Variants in GRXCR1 observed in about 807,000 individuals in gnomAD.
GRXCR1 encodes the protein glutaredoxin and cysteine rich domain containing 1.
In GRXCR1, 27 loss-of-function variants were observed where a neutral mutation model predicts 27.3. The observed-to-expected ratio is 0.99, with a 90% confidence interval of 0.73 to 1.37. The LOEUF (loss-of-function observed/expected upper bound fraction) is 1.37. GRXCR1 is among the 40% of genes most tolerant of loss of function. The probability of loss-of-function intolerance (pLI) is 0.00; values close to 1 mark genes in which losing one functional copy is unlikely to be tolerated. For synonymous variants in GRXCR1, 122 were observed against 131.1 expected (o/e 0.93, Z 0.47); for missense variants, 379 against 354.4 (o/e 1.07, Z -0.56).
chr4:43,024,420 G>A (rs979376607), intron 3 of GRXCR1, among the ~76,000 whole-genome samples: 10 of 152,034 alleles, frequency 6.6e-5, no homozygotes, highest in Non-Finnish European at 4.4e-5. Context: ...GTCCTTCCTA[G>A]GGGAAAGGGG....
intron 2 of GRXCR1, among the ~76,000 whole-genome samples, chr4:43,000,248 G>C (rs1207829442): frequency 1.3e-5 from 2 of 152,084 alleles, no homozygotes; most frequent in Admixed American, 1.3e-4. Context: ...GGGAGGCCGA[G>C]GCAGGTGGAT....
intron 1 of GRXCR1, among the ~76,000 whole-genome samples, chr4:42,927,860 T>C (rs370440649): frequency 8.6e-5 from 13 of 151,846 alleles, no homozygotes; most frequent in African/African-American, 3.1e-4. Flanking sequence ...TGTGTGCAGG[T>C]AATTTATTTG....
chr4:42,915,371 A>G (rs547841782), intron 1 of GRXCR1, among the ~76,000 whole-genome samples: 3 of 152,106 alleles, frequency 2.0e-5, no homozygotes, highest in South Asian at 2.1e-4. Flanking sequence ...TGCACTGACT[A>G]TTTTTCCTAG....
intron 2 of GRXCR1, among the ~76,000 whole-genome samples, chr4:42,979,065 T>C (rs1748590325): frequency 6.6e-6 from 1 of 150,918 alleles, no homozygotes; most frequent in Non-Finnish European, 1.5e-5. Context: ...GAACTGTGAG[T>C]CAATCAAACC....
At chr4:42,938,783 C>G (rs1747522700) in intron 1 of GRXCR1, among the ~76,000 whole-genome samples, 1 of 151,794 alleles carries the variant, frequency 6.6e-6, no homozygotes, top group African/African-American at 2.4e-5. Context: ...TGTATGTTTT[C>G]CACACATTTG....
chr4:43,000,155 A>G (rs1352826785), intron 2 of GRXCR1, among the ~76,000 whole-genome samples: 2 of 152,178 alleles, frequency 1.3e-5, no homozygotes, highest in Non-Finnish European at 2.9e-5. Flanking sequence ...TCTCCACACT[A>G]TACATGCTTT....
intron 1 of GRXCR1, among the ~76,000 whole-genome samples, chr4:42,913,407 G>A (rs888312534): frequency 1.3e-5 from 2 of 152,292 alleles, no homozygotes; most frequent in African/African-American, 4.8e-5. Flanking sequence ...GGGAACTGGA[G>A]CAAAGGTGAC....
chr4:42,920,831 A>G (rs1023997785), intron 1 of GRXCR1, among the ~76,000 whole-genome samples: 3 of 152,222 alleles, frequency 2.0e-5, no homozygotes, highest in African/African-American at 7.2e-5. Context: ...AGTGCCCTTA[A>G]TAGTTCTTCC....
At chr4:42,899,246 A>G (rs144854051) in intron 1 of GRXCR1, among the ~76,000 whole-genome samples, 5 of 152,144 alleles carry the variant, frequency 3.3e-5, no homozygotes, top group Admixed American at 2.6e-4. Flanking sequence ...GGCTTGCTTC[A>G]TTCCATTCTT....
chr4:42,923,776 A>G (rs894174551), intron 1 of GRXCR1, among the ~76,000 whole-genome samples: 2 of 152,182 alleles, frequency 1.3e-5, no homozygotes, highest in East Asian at 3.9e-4. Flanking sequence ...AGAGACACAC[A>G]TGATAGATAC....
At chr4:43,019,547 A>G (rs1713035272) in intron 2 of GRXCR1, among the ~76,000 whole-genome samples, 1 of 151,968 alleles carries the variant, frequency 6.6e-6, no homozygotes, top group Non-Finnish European at 1.5e-5. Flanking sequence ...AAAAATAATT[A>G]CTCCAGTTTT....
In GRXCR1 at chr4:43,028,584, A is replaced by C. The variant is rs1713328794; in HGVS notation, c.694-1777A>C. Among the ~76,000 whole-genome samples, 3 of 152,354 alleles carry C rather than the reference A, an allele frequency of 2.0e-5. No individual in the cohort carries two copies. In the South Asian group the frequency reaches 6.2e-4, roughly 32 times the overall value. On this transcript the variant is annotated intron_variant, in intron 3 of 3. Transcript: ENST00000399770. ...ATATTTAATGTCATAGCAATAGTGAATGACAAGGATCTATCTACATTATAT... is the reference window on the plus strand; with the variant it reads ...ATATTTAATGTCATAGCAATAGTGACTGACAAGGATCTATCTACATTATAT...
chr4:43,010,010 G>T (rs1168846189), intron 2 of GRXCR1, among the ~76,000 whole-genome samples: 2 of 152,116 alleles, frequency 1.3e-5, no homozygotes, highest in Admixed American at 6.5e-5. Context: ...CTTCAGGAGT[G>T]ACTCTTCTAT....
At chr4:42,967,682 C>A (rs1212943824) in intron 2 of GRXCR1, among the ~76,000 whole-genome samples, 1 of 151,886 alleles carries the variant, frequency 6.6e-6, no homozygotes, top group Non-Finnish European at 1.5e-5. Context: ...TGAATTTTAC[C>A]TTGTTAGGTA....
At chr4:43,023,129 G>A (rs10017415) in intron 3 of GRXCR1, among the ~76,000 whole-genome samples, 9,764 of 152,194 alleles carry the variant, frequency 0.064, 961 homozygotes, top group African/African-American at 0.22. Flanking sequence ...ACTGTGGCAG[G>A]ACACAAAACC....
At chr4:42,903,865 A>G (rs1013006942) in intron 1 of GRXCR1, among the ~76,000 whole-genome samples, 2 of 152,092 alleles carry the variant, frequency 1.3e-5, no homozygotes, top group African/African-American at 4.8e-5. Context: ...ACTGAAACAG[A>G]CCCAAAGCCT....
At chr4:42,930,277 T>C (rs1049794337) in intron 1 of GRXCR1, among the ~76,000 whole-genome samples, 4 of 152,010 alleles carry the variant, frequency 2.6e-5, no homozygotes, top group East Asian at 1.9e-4. Context: ...TAAAATTCCA[T>C]TGGCTGTTCT....
At chr4:42,961,536 C>T (rs1748129662) in intron 1 of GRXCR1, among the ~76,000 whole-genome samples, 1 of 152,002 alleles carries the variant, frequency 6.6e-6, no homozygotes, top group Admixed American at 6.6e-5. Flanking sequence ...TAACATTTCT[C>T]TATTTAGATG....
chr4:42,919,641 C>T (rs1746964701), intron 1 of GRXCR1, among the ~76,000 whole-genome samples: 1 of 152,028 alleles, frequency 6.6e-6, no homozygotes, highest in African/African-American at 2.4e-5. Context: ...TTCACCAGGC[C>T]ATGTTTTCTT....
Sources: allele counts gnomAD v4.1 joint callset (sites outside exome capture counted in the v4.1 genomes callset), GRCh38; gene constraint gnomAD v4.1.1; transcripts MANE v1.5; gene names NCBI Gene and HGNC (gene_info 2026-07-23, HGNC 2026-07-21).